Variants in ELF2 observed in about 807,000 individuals in gnomAD.
ELF2 encodes E74 like ETS transcription factor 2.
In ELF2, 11 loss-of-function variants were observed where a neutral mutation model predicts 54.8. That is an observed-to-expected ratio of 0.20 (90% CI 0.13 to 0.33). The LOEUF (loss-of-function observed/expected upper bound fraction) is 0.33. Among genes scored for constraint, ELF2 ranks in the 10% least tolerant of loss-of-function variants. ELF2 has a pLI of 1.00. For synonymous variants in ELF2, 203 were observed against 245.1 expected, an observed-to-expected ratio of 0.83 and a Z score of 1.61; for missense variants, 513 against 703.0, an observed-to-expected ratio of 0.73 and a Z score of 3.06.
At chr4:139,077,271 G>A (rs549354224) in intron 4 of ELF2, among the ~76,000 whole-genome samples, 28 of 152,232 alleles carry the variant, frequency 1.8e-4, no homozygotes, top group Non-Finnish European at 3.4e-4. Flanking sequence ...TGAGCACTTC[G>A]AGTGTCACAT....
chr4:139,157,231 CAT>C (rs1740638929), intron 1 of ELF2, among the ~76,000 whole-genome samples: 1 of 152,068 alleles, frequency 6.6e-6, no homozygotes, highest in Non-Finnish European at 1.5e-5. Context: ...TGTATCTAAA[CAT>C]ATTTGAATAT....
At chr4:139,168,847 C>A (rs1199271029) in intron 1 of ELF2, among the ~76,000 whole-genome samples, 1 of 152,064 alleles carries the variant, frequency 6.6e-6, no homozygotes, top group African/African-American at 2.4e-5. Context: ...GGATTACAGG[C>A]ATGAGCCACT....
rs976947548 is a variant in ELF2, at chr4:139,085,378, G to T, written c.239-11811C>A. 2.0e-4 allele frequency among the ~76,000 whole-genome samples: 30 copies of T among 152,180 alleles called. 1 individual carries two copies. The stretch of plus-strand genomic sequence containing the variant: ...CAGAGTAAGTGCTCAATAAGTATTT[G>T]CTGAATAAACAAAAAGATCTGGCAT... On this transcript the variant is annotated intron_variant, in intron 4 of 9. Transcript: ENST00000686138.
At chr4:139,134,603 ATTT>A (rs1388185078) in intron 3 of ELF2, among the ~76,000 whole-genome samples, 1 of 141,112 alleles carries the variant, frequency 7.1e-6, no homozygotes, top group African/African-American at 2.8e-5. Flanking sequence ...ATTTTATTTT[ATTT>A]TATTTTATTT....
intron 4 of ELF2, among the ~76,000 whole-genome samples, chr4:139,091,952 CATAT>C (rs1191290131): frequency 6.8e-6 from 1 of 148,058 alleles, no homozygotes; most frequent in African/African-American, 2.5e-5. Context: ...TATATACACA[CATAT>C]ATATACATAT....
chr4:139,084,692 C>G (rs1731781630), intron 4 of ELF2, among the ~76,000 whole-genome samples: 1 of 152,170 alleles, frequency 6.6e-6, no homozygotes. Context: ...GGAAAAGAGC[C>G]ATTAATCATA....
chr4:139,077,491 T>C (rs758130827), intron 4 of ELF2, among the ~76,000 whole-genome samples: 1 of 152,198 alleles, frequency 6.6e-6, no homozygotes, highest in African/African-American at 2.4e-5. Context: ...TACAAAAATC[T>C]AAGAGGCTGT....
chr4:139,058,026 CAAAG>C lies in ELF2; in HGVS notation c.*953_*956del. ...TTCAACTAAAAAAAAGAAAAAAAAA[CAAAG>C]AAAACTCCAGGTATTAGAGCTACCT... On this transcript the variant is annotated 3_prime_UTR_variant, in exon 10 of 10. Coordinates refer to ENST00000686138, the MANE Select transcript of ELF2 (RefSeq NM_001331036.3). 6.6e-6 allele frequency: 1 copy of C among 151,538 alleles called. No homozygotes were observed. The allele number at this position is 151,538 out of a possible 1,614,324, so 9.4% of individuals were successfully genotyped here. A position where few individuals can be genotyped will look rare whatever the true frequency, so the allele number is the denominator to read the frequency against.
intron 4 of ELF2, among the ~76,000 whole-genome samples, chr4:139,080,747 T>C (rs1248726480): frequency 6.6e-6 from 1 of 152,116 alleles, no homozygotes; most frequent in Non-Finnish European, 1.5e-5. Context: ...TAGACATTTG[T>C]TTTTCCTATA....
chr4:139,063,320 A>G (rs2148667136), intron 7 of ELF2, among the ~76,000 whole-genome samples: 1 of 152,256 alleles, frequency 6.6e-6, no homozygotes, highest in South Asian at 2.1e-4. Context: ...AAATTTTCTA[A>G]TCGCTTTCTA....
intron 4 of ELF2, among the ~76,000 whole-genome samples, 193 bp downstream of exon 4, chr4:139,124,971 C>G (rs1263855842): frequency 1.3e-5 from 2 of 152,134 alleles, no homozygotes; most frequent in Admixed American, 6.5e-5. Context: ...GAGACTGTTA[C>G]ACCTCATAGA....
At chr4:139,151,096 A>AAAGAAAGAAAG (rs1560871880) in intron 1 of ELF2, among the ~76,000 whole-genome samples, 15 of 128,282 alleles carry the variant, frequency 1.2e-4, no homozygotes, top group African/African-American at 4.1e-4. Flanking sequence ...AAGAAAGAAA[A>AAAGAAAGAAAG]AGAGAGCTAT....
intron 1 of ELF2, among the ~76,000 whole-genome samples, chr4:139,153,565 CTAAA>C (rs1482476381): frequency 5.9e-5 from 9 of 152,126 alleles, no homozygotes; most frequent in Non-Finnish European, 1.2e-4. Flanking sequence ...CACTTTGTTC[CTAAA>C]TAGATAGCTG....
intron 1 of ELF2, among the ~76,000 whole-genome samples, chr4:139,162,024 G>A (rs1264230519): frequency 1.3e-5 from 2 of 152,220 alleles, no homozygotes; most frequent in Non-Finnish European, 2.9e-5. Context: ...AACCCGGGAG[G>A]CGGAGGTTGC....
intron 4 of ELF2, among the ~76,000 whole-genome samples, chr4:139,092,414 T>TAACAAACATAACATA (rs70940488): frequency 0.086 from 7,564 of 87,584 alleles, 845 homozygotes; most frequent in East Asian, 0.16. Context: ...TAACATAACA[T>TAACAAACATAACATA]ACATAACATA....
intron 1 of ELF2, among the ~76,000 whole-genome samples, chr4:139,175,487 T>C (rs1442123818): frequency 6.6e-6 from 1 of 152,242 alleles, no homozygotes; most frequent in East Asian, 1.9e-4. Flanking sequence ...TAATGCTCTA[T>C]AAAAAGTTTT....
At chr4:139,165,902 A>G (rs1355778599) in intron 1 of ELF2, among the ~76,000 whole-genome samples, 3 of 152,254 alleles carry the variant, frequency 2.0e-5, no homozygotes, top group African/African-American at 4.8e-5. Context: ...TAGAAATCTA[A>G]TATGTCATCA....
rs4863631 is a variant in ELF2 at position 139,125,017 on chromosome 4, C to A, written c.238+147G>T. 1.7e-4 allele frequency: 153 copies of A among 921,686 alleles called. No individual in the cohort carries two copies. The African/African-American group carries it at 2.1e-3, about 12-fold the overall frequency. The allele number at this position is 921,686 out of a possible 1,614,324, so 57.1% of individuals were successfully genotyped here. On this transcript the variant is annotated intron_variant, in intron 4 of 9. Coordinates refer to ENST00000686138, the MANE Select transcript of ELF2 (RefSeq NM_001331036.3). ...AGAAGTTTTATATCTACACAAATTC[C>A]CTTAAACATAGATGTTTCACTGGTT...
intron 4 of ELF2, among the ~76,000 whole-genome samples, chr4:139,083,185 G>C (rs902175528): frequency 2.0e-5 from 3 of 152,230 alleles, no homozygotes; most frequent in Admixed American, 1.3e-4. Flanking sequence ...GAGGTTTGGG[G>C]GGGGGTAGAG....
Sources: allele counts gnomAD v4.1 joint callset (sites outside exome capture counted in the v4.1 genomes callset), GRCh38; gene constraint gnomAD v4.1.1; transcripts MANE v1.5; gene names NCBI Gene and HGNC (gene_info 2026-07-23, HGNC 2026-07-21).